Variants in KLF12 observed in about 807,000 individuals in gnomAD.
KLF12 encodes KLF transcription factor 12.
A neutral mutation model predicts 37.8 loss-of-function variants in KLF12; 9 were observed. That is an observed-to-expected ratio of 0.24 (90% CI 0.14 to 0.42). The LOEUF (loss-of-function observed/expected upper bound fraction) is 0.42. KLF12 is among the 10% of genes least tolerant of loss of function. The probability of loss-of-function intolerance (pLI) is 1.00; values close to 1 mark genes in which losing one functional copy is unlikely to be tolerated. For missense variants in KLF12, 411 were observed against 516.0 expected, an observed-to-expected ratio of 0.80 and a Z score of 1.97; for synonymous variants, 208 against 202.1, an observed-to-expected ratio of 1.03 and a Z score of -0.25.
chr13:73,898,040 G>A (rs1238994114), intron 3 of KLF12, among the ~76,000 whole-genome samples: 3 of 152,068 alleles, frequency 2.0e-5, no homozygotes, highest in Non-Finnish European at 4.4e-5. Flanking sequence ...GCCAGGGTAC[G>A]CTCTTCTCCC....
At chr13:74,196,043 A>T in the KLF12 span, among the ~76,000 whole-genome samples, 3 of 152,248 alleles carry the variant, frequency 2.0e-5, no homozygotes, top group African/African-American at 4.8e-5. Flanking sequence ...CTTGATATGC[A>T]TGCATATAGC....
At chr13:74,256,428 A>T in the KLF12 span, among the ~76,000 whole-genome samples, 3 of 152,328 alleles carry the variant, frequency 2.0e-5, no homozygotes, top group South Asian at 6.2e-4. Flanking sequence ...TGTTGTGAAG[A>T]TGAAAAGTTG....
At chr13:74,122,361 A>C (rs1282228402) in intron 1 of KLF12, among the ~76,000 whole-genome samples, 1 of 152,136 alleles carries the variant, frequency 6.6e-6, no homozygotes, top group Admixed American at 6.5e-5. Flanking sequence ...TACTAATTCC[A>C]GTAACAGTAA....
intron 1 of KLF12, among the ~76,000 whole-genome samples, chr13:74,007,805 A>G (rs1892451402): frequency 6.6e-6 from 1 of 152,196 alleles, no homozygotes; most frequent in South Asian, 2.1e-4. Flanking sequence ...TCAATATACC[A>G]AAACAAAAAA....
Position 73,689,060 on chromosome 13 carries a change from T to C in KLF12, c.*6430A>G, listed in dbSNP as rs924226401. 2 of 152,118 alleles carry C rather than the reference T, an allele frequency of 1.3e-5. No individual in the cohort carries two copies. The highest frequency in any genetic ancestry group is 2.4e-5 in the African/African-American group (1 of 41,420). 9.4% of individuals were successfully genotyped at this position (152,118 alleles called of 1,614,324 possible). On this transcript the variant is annotated 3_prime_UTR_variant, in exon 8 of 8. Coordinates refer to ENST00000377669, the MANE Select transcript of KLF12 (RefSeq NM_007249.5). ...CTAGTCTATTGCTTGGCACACAGTG[T>C]TTAATAAAGAATAGCTATTATCTTC...
At chr13:73,745,907 C>T (rs911052569) in intron 6 of KLF12, among the ~76,000 whole-genome samples, 3 of 152,134 alleles carry the variant, frequency 2.0e-5, no homozygotes, top group Non-Finnish European at 2.9e-5. Flanking sequence ...TTTCAAGGAT[C>T]GTAATGTCCT....
chr13:73,807,370 G>T (rs890945646), intron 5 of KLF12, among the ~76,000 whole-genome samples: 2 of 151,850 alleles, frequency 1.3e-5, no homozygotes, highest in Admixed American at 6.6e-5. Flanking sequence ...AAGCAATAGG[G>T]TATCTAACTT....
At chr13:73,970,238 A>C (rs919041453) in intron 2 of KLF12, among the ~76,000 whole-genome samples, 1 of 152,148 alleles carries the variant, frequency 6.6e-6, no homozygotes, top group African/African-American at 2.4e-5. Context: ...CCAATTTCTT[A>C]TCTCTAAAAA....
At chr13:73,981,229 T>C (rs564716998) in intron 2 of KLF12, among the ~76,000 whole-genome samples, 4 of 152,112 alleles carry the variant, frequency 2.6e-5, no homozygotes, top group African/African-American at 4.8e-5. Flanking sequence ...TCCAGGAGAG[T>C]TGAAAATTTC....
chr13:73,704,161 G>A (rs1874753868), intron 7 of KLF12, among the ~76,000 whole-genome samples: 1 of 151,882 alleles, frequency 6.6e-6, no homozygotes, highest in Admixed American at 6.6e-5. Flanking sequence ...AACTTCTCGC[G>A]TGGCAGGTGT....
rs573471049 is a variant in KLF12 at position 74,107,591 on chromosome 13, G to C, written c.-32+26148C>G. ...ATGTGAACCAATATAAAGACTAAAA[G>C]GCAGAGAAATAAACTACATATTAGA... On this transcript the variant is annotated intron_variant, in intron 1 of 7. Coordinates refer to ENST00000377669, the MANE Select transcript of KLF12 (RefSeq NM_007249.5). Among the ~76,000 whole-genome samples the C allele has an allele frequency of 5.9e-5, 9 of 152,240 alleles. No individual in the cohort carries two copies. In the South Asian group the frequency reaches 1.5e-3, roughly 25 times the overall value.
At chr13:73,932,612 T>C (rs754788011) in intron 3 of KLF12, among the ~76,000 whole-genome samples, 1 of 152,186 alleles carries the variant, frequency 6.6e-6, no homozygotes, top group Non-Finnish European at 1.5e-5. Context: ...CAAAAATTGA[T>C]AGACACACAG....
chr13:74,254,408 C>A, the KLF12 span, among the ~76,000 whole-genome samples: 6 of 152,194 alleles, frequency 3.9e-5, no homozygotes, highest in East Asian at 1.2e-3. Flanking sequence ...ACTTATTGTG[C>A]AGTTATGGTC....
intron 2 of KLF12, among the ~76,000 whole-genome samples, chr13:73,952,126 G>T (rs960344274): frequency 5.9e-5 from 9 of 152,186 alleles, no homozygotes; most frequent in African/African-American, 2.2e-4. Flanking sequence ...GTTCATTGGA[G>T]AAGTAACTAG....
chr13:74,208,478 T>C, the KLF12 span, among the ~76,000 whole-genome samples: 1 of 152,072 alleles, frequency 6.6e-6, no homozygotes, highest in Non-Finnish European at 1.5e-5. Flanking sequence ...CTGGGAATTT[T>C]GCTGGCATTA....
chr13:73,795,504 C>T (rs1167595059), intron 5 of KLF12, among the ~76,000 whole-genome samples: 1 of 152,104 alleles, frequency 6.6e-6, no homozygotes, highest in African/African-American at 2.4e-5. Context: ...GTCAGTGATG[C>T]CATTTTATAG....
intron 5 of KLF12, among the ~76,000 whole-genome samples, chr13:73,776,314 C>T (rs1318612232): frequency 1.3e-5 from 2 of 152,158 alleles, no homozygotes; most frequent in Non-Finnish European, 2.9e-5. Context: ...CCAATACTGA[C>T]AGCCAAGAAG....
chr13:74,164,139 A>G, the KLF12 span, among the ~76,000 whole-genome samples: 1 of 152,206 alleles, frequency 6.6e-6, no homozygotes, highest in African/African-American at 2.4e-5. Context: ...GTTTGAAAGA[A>G]CTGTATTCTA....
At chr13:73,862,059 T>G (rs1460706478) in intron 3 of KLF12, among the ~76,000 whole-genome samples, 1 of 118,578 alleles carries the variant, frequency 8.4e-6, no homozygotes, top group Non-Finnish European at 2.1e-5. Flanking sequence ...AGTTGGGTTT[T>G]TTTTTTTTTT....
Sources: gnomAD v4.1 joint callset for allele counts (sites outside exome capture counted in the v4.1 genomes callset) on GRCh38, gnomAD v4.1.1 for gene constraint, MANE v1.5 for transcripts, NCBI Gene and HGNC (gene_info 2026-07-23, HGNC 2026-07-21) for gene names.